Variants in ARID4B observed in about 807,000 individuals in gnomAD.
ARID4B encodes the protein AT-rich interaction domain 4B.
A neutral mutation model predicts 147.5 loss-of-function variants in ARID4B; 26 were observed. The observed-to-expected ratio is 0.18, with a 90% confidence interval of 0.13 to 0.24. The LOEUF (loss-of-function observed/expected upper bound fraction) is 0.24, where lower values mean the gene tolerates loss of function less well. Among genes scored for constraint, ARID4B ranks in the 10% least tolerant of loss-of-function variants. ARID4B has a pLI of 1.00. For missense variants in ARID4B, 1,179 were observed against 1,511.5 expected (o/e 0.78, Z 3.65); for synonymous variants, 512 against 507.9 (o/e 1.01, Z -0.11).
In ARID4B at chr1:235,194,007, G is replaced by A; in HGVS notation, c.2125+6C>T. On this transcript the variant is annotated splice_donor_region_variant and intron_variant, in intron 19 of 23. Transcript: ENST00000264183. ...ACTTGCACAACAGAACGATTGTTAT[G>A]TTTACCTTGAAGTCCATTAAGGATC... 1 of 1,571,864 alleles carries A rather than the reference G, an allele frequency of 6.4e-7. No individual in the cohort carries two copies. Among genetic ancestry groups the A allele is most frequent in the Non-Finnish European group, 8.7e-7 (1 of 1,143,904 alleles).
At chr1:235,203,939 CAAGA>C (rs1666123272) in intron 17 of ARID4B, among the ~76,000 whole-genome samples, 1 of 152,022 alleles carries the variant, frequency 6.6e-6, no homozygotes, top group South Asian at 2.1e-4. Context: ...CTATCTAAAA[CAAGA>C]TATATGAAAA....
intron 3 of ARID4B, among the ~76,000 whole-genome samples, chr1:235,260,061 T>G (rs1670203971): frequency 6.6e-6 from 1 of 152,194 alleles, no homozygotes; most frequent in South Asian, 2.1e-4. Context: ...TGATAATTTA[T>G]TAAAATGGAA....
intron 2 of ARID4B, among the ~76,000 whole-genome samples, chr1:235,312,908 G>T (rs752711974): frequency 6.6e-6 from 1 of 152,184 alleles, no homozygotes; most frequent in Middle Eastern, 3.2e-3. Flanking sequence ...AGGAGGCGGA[G>T]GTTGCACTGA....
intron 2 of ARID4B, among the ~76,000 whole-genome samples, chr1:235,290,835 G>A (rs547307641): frequency 3.3e-5 from 5 of 152,342 alleles, no homozygotes; most frequent in African/African-American, 1.2e-4. Context: ...GGAGGCTTAC[G>A]CCTGTAATCC....
chr1:235,302,426 A>G (rs1673248702), intron 2 of ARID4B, among the ~76,000 whole-genome samples: 1 of 152,130 alleles, frequency 6.6e-6, no homozygotes, highest in African/African-American at 2.4e-5. Context: ...ATAAATATAC[A>G]CCAGATTTCA....
chr1:235,255,267 A>AGATAGATAGATCTATCTATCTATC (rs1553304359), intron 5 of ARID4B, among the ~76,000 whole-genome samples: 22 of 137,150 alleles, frequency 1.6e-4, no homozygotes, highest in South Asian at 2.6e-4. Flanking sequence ...AGATAGATAT[A>AGATAGATAGATCTATCTATCTATC]TATCTCTCTC....
At position 235,182,339 on chromosome 1, in the gene ARID4B, G is replaced by A. The variant is rs763436070; in HGVS notation, c.2580C>T (p.Ser860=). The change falls in exon 20 of 24, where the codon AGC becomes AGT. Residue 860 remains serine (S), a synonymous_variant. Transcript: ENST00000264183. ...ESLCMENSSN[S]SSDEDEEETK... ...TTTCTTCTTCATCTTCATCTGAAGA[G>A]CTGTTGCTACTGTTTTCCATGCAAA... 6.2e-7 allele frequency: 1 copy of A among 1,613,712 alleles called. No individual in the cohort carries two copies. The highest frequency in any genetic ancestry group is 1.1e-5 in the South Asian group (1 of 90,910).
chr1:235,256,628 G>T (rs982235658), intron 4 of ARID4B, among the ~76,000 whole-genome samples: 1 of 152,206 alleles, frequency 6.6e-6, no homozygotes, highest in Non-Finnish European at 1.5e-5. Flanking sequence ...ACCCTTAAAA[G>T]ATTTCATTTG....
chr1:235,279,067 A>G (rs1418891978), intron 2 of ARID4B, among the ~76,000 whole-genome samples: 1 of 152,132 alleles, frequency 6.6e-6, no homozygotes, highest in East Asian at 1.9e-4. Context: ...AAGTGCATAC[A>G]GCGCCAAGCC....
intron 17 of ARID4B, among the ~76,000 whole-genome samples, chr1:235,201,330 C>CA (rs1665903164): frequency 1.4e-5 from 2 of 145,518 alleles, no homozygotes; most frequent in East Asian, 2.0e-4. Flanking sequence ...CGAGAATCTT[C>CA]TTTTTTTTTT....
intron 2 of ARID4B, among the ~76,000 whole-genome samples, chr1:235,298,664 T>C (rs1336938277): frequency 6.6e-6 from 1 of 151,762 alleles, no homozygotes; most frequent in Non-Finnish European, 1.5e-5. Flanking sequence ...CACAGTTAAA[T>C]ATTTGTTTAG....
At chr1:235,264,056 T>G (rs1186791779) in intron 2 of ARID4B, among the ~76,000 whole-genome samples, 12 of 152,002 alleles carry the variant, frequency 7.9e-5, no homozygotes, top group African/African-American at 2.9e-4. Context: ...CTGAAACACA[T>G]CATCAGAGCA....
intron 2 of ARID4B, among the ~76,000 whole-genome samples, chr1:235,302,180 GC>G (rs1673215734): frequency 3.5e-4 from 14 of 39,652 alleles, no homozygotes; most frequent in Admixed American, 6.5e-4. Flanking sequence ...AAAAAAAACA[GC>G]AAAAAAAAAC....
intron 22 of ARID4B, among the ~76,000 whole-genome samples, chr1:235,174,658 A>C (rs1055822109): frequency 6.6e-6 from 1 of 151,296 alleles, no homozygotes; most frequent in Non-Finnish European, 1.5e-5. Flanking sequence ...ACAACAACAA[A>C]AAAATTAGCC....
At chr1:235,203,139 G>A (rs759845015) in intron 17 of ARID4B, among the ~76,000 whole-genome samples, 14 of 152,132 alleles carry the variant, frequency 9.2e-5, no homozygotes, top group South Asian at 2.1e-4. Context: ...TTCATACAAG[G>A]CTAAAAGATA....
In ARID4B at chr1:235,176,437, C is replaced by CAAAAAAAAAAAAAAAAAAAAAA. The variant is rs34808765; in HGVS notation, c.3449-1060_3449-1039dup. 2.2e-4 allele frequency among the ~76,000 whole-genome samples: 5 copies of CAAAAAAAAAAAAAAAAAAAAAA among 22,532 alleles called. 1 individual carries two copies. Among genetic ancestry groups the CAAAAAAAAAAAAAAAAAAAAAA allele is most frequent in the African/African-American group, 5.0e-4 (5 of 10,072 alleles). 14.8% of individuals were successfully genotyped at this position (22,532 alleles called of 152,430 possible). A position where few individuals can be genotyped will look rare whatever the true frequency, so the allele number is the denominator to read the frequency against. On this transcript the variant is annotated intron_variant, in intron 21 of 23. Coordinates refer to ENST00000264183, the MANE Select transcript of ARID4B (RefSeq NM_016374.6). Reference sequence around the variant, plus strand: ...CTGATTTTTCACTTAACAACATCACCAAAAAAAAAAAAAAAAAAAAAAAAA... The same window carrying CAAAAAAAAAAAAAAAAAAAAAA: ...CTGATTTTTCACTTAACAACATCACCAAAAAAAAAAAAAAAAAAAAAAAAAAAAAAAAAAAAAAAAAAAAAAA...
At chr1:235,260,774 A>G (rs775089815) in intron 2 of ARID4B, 22 bp from the exon 3 acceptor site, 8 of 1,513,584 alleles carry the variant, frequency 5.3e-6, no homozygotes, top group Non-Finnish European at 7.3e-6. Flanking sequence ...AAGAAATATA[A>G]TTAGATTTAA....
chr1:235,218,438 T>C (rs1396792189), intron 16 of ARID4B, among the ~76,000 whole-genome samples: 1 of 152,218 alleles, frequency 6.6e-6, no homozygotes, highest in African/African-American at 2.4e-5. Context: ...TCTGCAGATT[T>C]AAAAATCAGA....
chr1:235,205,029 T>C (rs1430418205), intron 17 of ARID4B, among the ~76,000 whole-genome samples: 19 of 152,230 alleles, frequency 1.2e-4, no homozygotes, highest in Admixed American at 1.2e-3. Flanking sequence ...CACTGTCAAA[T>C]GGTCATTTTA....
Sources: allele counts gnomAD v4.1 joint callset (sites outside exome capture counted in the v4.1 genomes callset), GRCh38; gene constraint gnomAD v4.1.1; transcripts MANE v1.5; gene names NCBI Gene and HGNC (gene_info 2026-07-23, HGNC 2026-07-21).